The following KIF26B variants were observed in gnomAD, a reference collection of about 807,000 sequenced individuals.
KIF26B encodes the protein kinesin-like protein KIF26B.
A neutral mutation model predicts 151.2 loss-of-function variants in KIF26B; 63 were observed. That is an observed-to-expected ratio of 0.42 (90% CI 0.34 to 0.51). The LOEUF (loss-of-function observed/expected upper bound fraction) is 0.51. Ranked by LOEUF, KIF26B falls within the 20% of genes least tolerant of loss-of-function variation. The probability of loss-of-function intolerance (pLI) is 0.07; values close to 1 mark genes in which losing one functional copy is unlikely to be tolerated. For synonymous variants in KIF26B, 1,357 were observed against 1,262.1 expected, an observed-to-expected ratio of 1.08 and a Z score of -1.59; for missense variants, 2,813 against 2,913.6, an observed-to-expected ratio of 0.97 and a Z score of 0.79.
In KIF26B at chr1:245,396,634, TCAAAAAAAAAACAAAAAA is replaced by T. The variant is rs1158773870; in HGVS notation, c.1000-22930_1000-22913del. 3.6e-3 allele frequency among the ~76,000 whole-genome samples: 470 copies of T among 131,232 alleles called. 3 individuals are homozygous for T. The highest frequency in any genetic ancestry group is 0.016 in the African/African-American group (445 of 27,878). The allele number at this position is 131,232 out of a possible 152,430, so 86.1% of individuals were successfully genotyped here. On this transcript the variant is annotated intron_variant, in intron 3 of 14. Coordinates refer to ENST00000407071, the MANE Select transcript of KIF26B (RefSeq NM_018012.4). ...GCAACGACAACAGTGAAACTCCATCTCAAAAAAAAAACAAAAAACAAAAAAAAAACAACAACTATTTGA... is the reference window on the plus strand; with the variant it reads ...GCAACGACAACAGTGAAACTCCATCTCAAAAAAAAAACAACAACTATTTGA...
At chr1:245,452,117 C>G (rs1478408174) in intron 4 of KIF26B, among the ~76,000 whole-genome samples, 4 of 152,152 alleles carry the variant, frequency 2.6e-5, no homozygotes, top group Non-Finnish European at 5.9e-5. Flanking sequence ...CCCTCAACCC[C>G]TGGTGGCCTC....
intron 3 of KIF26B, among the ~76,000 whole-genome samples, chr1:245,379,379 G>A (rs1342430716): frequency 1.1e-4 from 17 of 151,954 alleles, no homozygotes; most frequent in Non-Finnish European, 1.5e-4. Context: ...ATTTTACAGC[G>A]TAGTGGACAG....
chr1:245,321,607 G>A (rs1352740350), intron 2 of KIF26B, among the ~76,000 whole-genome samples: 4 of 152,202 alleles, frequency 2.6e-5, no homozygotes, highest in Non-Finnish European at 4.4e-5. Context: ...GGAGATATTT[G>A]TATCCATTGA....
intron 2 of KIF26B, among the ~76,000 whole-genome samples, chr1:245,351,250 G>C (rs10924180): frequency 3.3e-5 from 5 of 152,180 alleles, no homozygotes; most frequent in Non-Finnish European, 5.9e-5. Context: ...GCTTACCTGG[G>C]TGGGCCCTTT....
At chr1:245,172,234 A>G (rs1413453278) in intron 2 of KIF26B, among the ~76,000 whole-genome samples, 1 of 152,034 alleles carries the variant, frequency 6.6e-6, no homozygotes, top group Non-Finnish European at 1.5e-5. Context: ...GTGGGTACAG[A>G]AGCCACGTGG....
At chr1:245,277,461 G>T (rs949208500) in intron 2 of KIF26B, among the ~76,000 whole-genome samples, 3 of 152,200 alleles carry the variant, frequency 2.0e-5, no homozygotes, top group Non-Finnish European at 2.9e-5. Context: ...GCTTCCTGAA[G>T]GTGCTCTTGG....
chr1:245,697,869 G>C (rs149607431), intron 12 of KIF26B, among the ~76,000 whole-genome samples: 1 of 151,870 alleles, frequency 6.6e-6, no homozygotes, highest in Non-Finnish European at 1.5e-5. Context: ...GCAAGATGTC[G>C]TCTCTCAAAA....
intron 3 of KIF26B, among the ~76,000 whole-genome samples, chr1:245,406,410 C>G (rs1674136433): frequency 6.6e-6 from 1 of 152,184 alleles, no homozygotes; most frequent in Non-Finnish European, 1.5e-5. Flanking sequence ...TATGGAGTGG[C>G]TCAGGGTATA....
intron 2 of KIF26B, among the ~76,000 whole-genome samples, chr1:245,222,533 A>G (rs977957369): frequency 5.9e-5 from 9 of 152,352 alleles, no homozygotes; most frequent in African/African-American, 1.4e-4. Context: ...AGAAGAAAAT[A>G]TAGGTGAATT....
intron 2 of KIF26B, among the ~76,000 whole-genome samples, chr1:245,256,565 G>A (rs574150260): frequency 3.9e-5 from 6 of 152,254 alleles, no homozygotes; most frequent in South Asian, 2.1e-4. Flanking sequence ...ACCCAGGTGG[G>A]TATAAACCAA....
At chr1:245,668,403 A>G (rs111711456) in intron 10 of KIF26B, among the ~76,000 whole-genome samples, 1,598 of 152,242 alleles carry the variant, frequency 0.01, 8 homozygotes, top group Non-Finnish European at 0.014. Flanking sequence ...ACATCACTAA[A>G]AAACTCTAAT....
In KIF26B at chr1:245,435,662, C is replaced by T. The variant is rs539624502; in HGVS notation, c.1166+15917C>T. On this transcript the variant is annotated intron_variant, in intron 4 of 14. Coordinates refer to ENST00000407071, the MANE Select transcript of KIF26B (RefSeq NM_018012.4). ...TTTGTCAGTTTCCTCCTGTTCCTCC[C>T]GGAGTAAGCTCATCCATGTTGAAAT... is the stretch of plus-strand genomic sequence containing the variant. Among the ~76,000 whole-genome samples the T allele has an allele frequency of 5.3e-5, 8 of 152,282 alleles. No individual in the cohort carries two copies. In the South Asian group the frequency reaches 8.3e-4, roughly 16 times the overall value.
intron 2 of KIF26B, among the ~76,000 whole-genome samples, chr1:245,267,683 C>A (rs968703620): frequency 7.6e-6 from 1 of 132,030 alleles, no homozygotes; most frequent in Non-Finnish European, 1.6e-5. Context: ...CACACACACA[C>A]AAAAGGAGAA....
At chr1:245,169,631 G>A (rs1488097030) in intron 2 of KIF26B, among the ~76,000 whole-genome samples, 2 of 151,972 alleles carry the variant, frequency 1.3e-5, no homozygotes, top group African/African-American at 2.4e-5. Flanking sequence ...TGGTAAATGC[G>A]ATACAAAGGC....
chr1:245,257,400 A>G (rs930744898), intron 2 of KIF26B, among the ~76,000 whole-genome samples: 1 of 152,242 alleles, frequency 6.6e-6, no homozygotes, highest in Non-Finnish European at 1.5e-5. Flanking sequence ...CAAACATTTT[A>G]CAGAGTTTGA....
At chr1:245,354,633 A>G (rs1475842154) in intron 2 of KIF26B, among the ~76,000 whole-genome samples, 1 of 152,216 alleles carries the variant, frequency 6.6e-6, no homozygotes, top group Non-Finnish European at 1.5e-5. Context: ...AGCCAGGGGC[A>G]CTGTGTCCAC....
chr1:245,333,409 C>G (rs180920229), intron 2 of KIF26B, among the ~76,000 whole-genome samples: 134 of 152,314 alleles, frequency 8.8e-4, no homozygotes, highest in African/African-American at 3.2e-3. Flanking sequence ...TTCATAGAGA[C>G]AAACCAGACG....
At chr1:245,581,903 A>G (rs2043177710) in intron 5 of KIF26B, among the ~76,000 whole-genome samples, 1 of 149,014 alleles carries the variant, frequency 6.7e-6, no homozygotes, top group South Asian at 2.2e-4. Flanking sequence ...TGCAACAGAG[A>G]GAGACCCTGT....
intron 2 of KIF26B, among the ~76,000 whole-genome samples, chr1:245,266,188 T>G (rs1015039005): frequency 6.6e-6 from 1 of 152,188 alleles, no homozygotes; most frequent in Non-Finnish European, 1.5e-5. Context: ...AATAAACCTA[T>G]GAAAAGGTAC....
Sources: allele counts gnomAD v4.1 joint callset (sites outside exome capture counted in the v4.1 genomes callset), GRCh38; gene constraint gnomAD v4.1.1; transcripts MANE v1.5; gene names NCBI Gene and HGNC (gene_info 2026-07-23, HGNC 2026-07-21).